Variants in FBN1 observed in about 807,000 individuals in gnomAD.
FBN1 encodes fibrillin 1, also known as fibrillin-1.
FBN1 carries 29 observed loss-of-function variants against 365.1 expected under a neutral mutation model. The ratio of observed to expected loss-of-function variants is 0.08; its 90% confidence interval spans 0.06 to 0.11. FBN1 has a LOEUF of 0.11. FBN1 is among the 10% of genes least tolerant of loss of function. The pLI is 1.00. For missense variants in FBN1, 2,476 were observed against 3,703.2 expected (o/e 0.67, Z 8.60); for synonymous variants, 1,210 against 1,270.5 (o/e 0.95, Z 1.01).
intron 2 of FBN1, among the ~76,000 whole-genome samples, chr15:48,626,742 G>T (rs1317686666): frequency 6.6e-6 from 1 of 151,922 alleles, no homozygotes; most frequent in African/African-American, 2.4e-5. Flanking sequence ...AAACAAAGTT[G>T]TAAGCATTTA....
chr15:48,493,258 T>C (rs902352894), intron 23 of FBN1, among the ~76,000 whole-genome samples: 1 of 152,052 alleles, frequency 6.6e-6, no homozygotes, highest in Non-Finnish European at 1.5e-5. Context: ...CTGCACTTAA[T>C]TTGGAAAAGT....
intron 8 of FBN1, chr15:48,528,845 C>G (rs995843581): frequency 6.6e-6 from 1 of 152,166 alleles, no homozygotes; most frequent in African/African-American, 2.4e-5. Context: ...TTTCCTAAAC[C>G]ACCTTGTTTC....
At chr15:48,487,635 T>C (rs1351039220) in intron 27 of FBN1, among the ~76,000 whole-genome samples, 198 bp from the exon 28 acceptor site, 4 of 152,178 alleles carry the variant, frequency 2.6e-5, no homozygotes, top group African/African-American at 9.7e-5. Context: ...TCTTGGTTTA[T>C]TTTCTTCTCC....
intron 64 of FBN1, among the ~76,000 whole-genome samples, chr15:48,414,311 C>T (rs1247461609): frequency 6.6e-6 from 1 of 152,112 alleles, no homozygotes; most frequent in Non-Finnish European, 1.5e-5. Flanking sequence ...TACCCAGATC[C>T]AAAATGAATC....
At position 48,485,515 on chromosome 15, in the gene FBN1, A is replaced by G. The variant is rs770468566; in HGVS notation, c.3590-19T>C. 6 of 1,613,912 alleles carry G rather than the reference A, an allele frequency of 3.7e-6. No individual in the cohort carries two copies. In the East Asian group the frequency reaches 1.3e-4, roughly 36 times the overall value. On this transcript the variant is annotated intron_variant, in intron 29 of 65. Coordinates refer to ENST00000316623, the MANE Select transcript of FBN1 (RefSeq NM_000138.5). ...TCAATGTCTAAAAGAAATGAAAATA[A>G]TATCACCTTCTGATATGGTTTGGAT...
At chr15:48,598,207 C>A (rs2044530647) in intron 5 of FBN1, among the ~76,000 whole-genome samples, 1 of 152,210 alleles carries the variant, frequency 6.6e-6, no homozygotes, top group African/African-American at 2.4e-5. Context: ...CCAACCCCAA[C>A]TCTGCCGATT....
chr15:48,469,112 C>CAT (rs1165855215), intron 36 of FBN1, among the ~76,000 whole-genome samples: 30 of 99,976 alleles, frequency 3.0e-4, no homozygotes, highest in African/African-American at 1.2e-3. Flanking sequence ...ATATATATTA[C>CAT]ATATATATAT....
chr15:48,615,901 T>A (rs1036826085), intron 2 of FBN1, among the ~76,000 whole-genome samples: 1 of 152,116 alleles, frequency 6.6e-6, no homozygotes, highest in East Asian at 1.9e-4. Context: ...AAAACAGAAA[T>A]GTTTCAACCT....
intron 24 of FBN1, among the ~76,000 whole-genome samples, 177 bp downstream of exon 24, chr15:48,492,284 G>T (rs904619870): frequency 6.6e-6 from 1 of 152,224 alleles, no homozygotes; most frequent in African/African-American, 2.4e-5. Context: ...AGAAACTACA[G>T]TTGCTGCTTA....
At chr15:48,485,889 A>T (rs1000239675) in intron 29 of FBN1, among the ~76,000 whole-genome samples, 14 of 152,236 alleles carry the variant, frequency 9.2e-5, no homozygotes, top group African/African-American at 3.1e-4. Context: ...CTCTGTGTTT[A>T]TGAGCATGGC....
At chr15:48,412,435 A>C in intron 65 of FBN1, 134 bp downstream of exon 65, 38 of 911,086 alleles carry the variant, frequency 4.2e-5, no homozygotes, top group Non-Finnish European at 5.8e-5. Flanking sequence ...AATACAGCCT[A>C]GAGCTCAGGG....
chr15:48,629,776 C>T (rs1279621787), intron 2 of FBN1, among the ~76,000 whole-genome samples: 2 of 152,188 alleles, frequency 1.3e-5, no homozygotes, highest in Non-Finnish European at 2.9e-5. Flanking sequence ...AAATAAAATT[C>T]TTTTTAAAAA....
intron 2 of FBN1, among the ~76,000 whole-genome samples, chr15:48,635,967 A>T (rs1890084006): frequency 6.6e-6 from 1 of 152,260 alleles, no homozygotes. Flanking sequence ...GAACTTGATC[A>T]AGTTAGAATT....
intron 50 of FBN1, among the ~76,000 whole-genome samples, chr15:48,441,038 A>G (rs1032189718): frequency 2.0e-5 from 3 of 152,176 alleles, no homozygotes; most frequent in African/African-American, 7.2e-5. Flanking sequence ...TTGTGTATGT[A>G]GATATCCATA....
rs1289824154 is a variant in FBN1 at position 48,415,645 on chromosome 15, C to A, written c.7942G>T (p.Asp2648Tyr). 6.2e-7 allele frequency: 1 copy of A among 1,614,210 alleles called. No homozygotes were observed. Among genetic ancestry groups the A allele is most frequent in the South Asian group, 1.1e-5 (1 of 91,088 alleles). ...TGCGCAGAGCCACATTCATTGATGT[C>A]TTGGCATCCTCCACTGAACTGTTCA... ...QYEQFSGGCQ[D>Y]INECGSAQAP... The change falls in exon 64 of 66, where the codon GAC becomes TAC. Residue 2648 changes from aspartate to tyrosine, a missense_variant. Asp to Tyr is a radical substitution (Grantham distance 160). Transcript: ENST00000316623.
chr15:48,518,270 A>G (rs1332775087), intron 10 of FBN1, among the ~76,000 whole-genome samples: 1 of 152,156 alleles, frequency 6.6e-6, no homozygotes, highest in Admixed American at 6.5e-5. Flanking sequence ...ACCTGCTCTC[A>G]CCAAATTCCC....
chr15:48,410,786 C>T lies in FBN1; in HGVS notation c.*204G>A, dbSNP rs572498280. On this transcript the variant is annotated 3_prime_UTR_variant, in exon 66 of 66. Transcript: ENST00000316623. ...TATGACAAGGTAGCTTAGCTACACA[C>T]ATGAGAAGCCTGAGAAAGTGGTTGT... The T allele has an allele frequency of 2.4e-5, 14 of 583,536 alleles. No homozygotes were observed. The East Asian group carries it at 3.8e-4, about 16-fold the overall frequency. The allele number at this position is 583,536 out of a possible 1,614,324, so 36.1% of individuals were successfully genotyped here.
At chr15:48,454,400 G>A (rs1451805449) in intron 44 of FBN1, among the ~76,000 whole-genome samples, 2 of 152,176 alleles carry the variant, frequency 1.3e-5, no homozygotes, top group Non-Finnish European at 2.9e-5. Flanking sequence ...GATATTGTGT[G>A]TTCCAGAGTT....
rs2043240891 is a variant in FBN1 at position 48,456,703 on chromosome 15, C to G, written c.5356G>C (p.Val1786Leu). 1 of 1,613,948 alleles carries G rather than the reference C, an allele frequency of 6.2e-7. No homozygotes were observed. Among genetic ancestry groups the G allele is most frequent in the Non-Finnish European group, 8.5e-7 (1 of 1,179,864 alleles). The stretch of plus-strand genomic sequence containing the variant: ...GGACATTCACATCGGAAGCTGCCAA[C>G]CATGTTGATACACACTCCATTTTCA... ...VCENGVCINM[V>L]GSFRCECPVG... Residue 1786 changes from valine to leucine, a missense_variant, in exon 44 of 66, where the codon GTT becomes CTT. Physicochemically the swap from Val to Leu is conservative, Grantham distance 32. Around this residue, in one of 5 missense-constraint regions of FBN1, gnomAD observed 1,780 missense variants for 2,840.8 expected, o/e 0.63. Transcript: ENST00000316623.
Sources: gnomAD v4.1 joint callset for allele counts (sites outside exome capture counted in the v4.1 genomes callset) on GRCh38, gnomAD v4.1.1 for gene constraint, gnomAD v4.1.1 regional missense constraint, MANE v1.5 for transcripts, NCBI Gene and HGNC (gene_info 2026-07-23, HGNC 2026-07-21) for gene names.